Variants in TECTA observed in about 807,000 individuals in gnomAD.
TECTA encodes the protein tectorin alpha.
Under a neutral mutation model 216.8 loss-of-function variants are expected in TECTA, and 128 were observed. The ratio of observed to expected loss-of-function variants is 0.59; its 90% confidence interval spans 0.51 to 0.68. TECTA has a LOEUF of 0.68. TECTA is among the 30% of genes least tolerant of loss of function. The pLI is 0.00. For missense variants in TECTA, 2,551 were observed against 2,786.2 expected, an observed-to-expected ratio of 0.92 and a Z score of 1.90; for synonymous variants, 1,089 against 1,117.1, an observed-to-expected ratio of 0.97 and a Z score of 0.50.
intron 16 of TECTA, among the ~76,000 whole-genome samples, chr11:121,163,103 C>T (rs1947017665): frequency 6.6e-6 from 1 of 152,072 alleles, no homozygotes; most frequent in Admixed American, 6.5e-5. Context: ...GTTCTCTGAC[C>T]CACAACACCA....
At chr11:121,138,658 A>G (rs1045853373) in intron 11 of TECTA, among the ~76,000 whole-genome samples, 13 of 152,100 alleles carry the variant, frequency 8.5e-5, no homozygotes, top group Non-Finnish European at 1.5e-4. Context: ...TCACCCAAAG[A>G]GCACTTCCTT....
chr11:121,138,971 T>TAA (rs1946757856), intron 11 of TECTA, among the ~76,000 whole-genome samples: 1 of 152,248 alleles, frequency 6.6e-6, no homozygotes, highest in Non-Finnish European at 1.5e-5. Flanking sequence ...TATACTGAAC[T>TAA]AAACTATCTA....
intron 13 of TECTA, among the ~76,000 whole-genome samples, chr11:121,157,120 A>G (rs540386182): frequency 6.6e-6 from 1 of 152,326 alleles, no homozygotes; most frequent in South Asian, 2.1e-4. Flanking sequence ...GGGCCAATTT[A>G]TCATTCTTGA....
intron 7 of TECTA, among the ~76,000 whole-genome samples, chr11:121,120,288 C>A (rs76359399): frequency 6.6e-6 from 1 of 152,080 alleles, no homozygotes; most frequent in Non-Finnish European, 1.5e-5. Context: ...AGCGACAGGG[C>A]GATGTGGGTG....
At chr11:121,152,735 G>T (rs1252527154) in intron 12 of TECTA, 146 bp from the exon 13 acceptor site, 5 of 750,338 alleles carry the variant, frequency 6.7e-6, no homozygotes, top group Non-Finnish European at 1.1e-5. Context: ...AGCAAAGAGG[G>T]CAGTAATGAA....
In TECTA at chr11:121,105,734, C is replaced by T; in HGVS notation, c.65-97C>T. On this transcript the variant is annotated intron_variant, in intron 2 of 23. Coordinates refer to ENST00000392793, the MANE Select transcript of TECTA (RefSeq NM_005422.4). The surrounding 1 kb of genome is among the most constrained non-coding windows in gnomAD (Gnocchi z 5.3). ...TATGACTTGCATTCAGCTTGCAAGCCCTACTGAAAGAAGCTGGCTTCAGTA... is the reference window on the plus strand; with the variant it reads ...TATGACTTGCATTCAGCTTGCAAGCTCTACTGAAAGAAGCTGGCTTCAGTA... 6.6e-7 allele frequency: 1 copy of T among 1,525,404 alleles called. No individual in the cohort carries two copies. Among genetic ancestry groups the T allele is most frequent in the Non-Finnish European group, 9.0e-7 (1 of 1,116,636 alleles). 94.5% of individuals were successfully genotyped at this position (1,525,404 alleles called of 1,614,324 possible).
In TECTA at chr11:121,129,594, C is replaced by T. The variant is rs762092411; in HGVS notation, c.2368-44C>T. ...CCCACAGCCTAGGAAATGGAAAGTG[C>T]TCTGTGTGTCTCTGGAATTGATAAG... On this transcript the variant is annotated intron_variant, in intron 9 of 23. Transcript: ENST00000392793. The T allele has an allele frequency of 3.8e-6, 6 of 1,592,072 alleles. No individual in the cohort carries two copies. In the South Asian group the frequency reaches 5.5e-5, roughly 15 times the overall value.
chr11:121,176,318 G>A (rs971541462), intron 20 of TECTA, among the ~76,000 whole-genome samples: 11 of 150,780 alleles, frequency 7.3e-5, no homozygotes, highest in Non-Finnish European at 1.5e-4. Context: ...TTTTGCAGTG[G>A]CTGGTACCGG....
In TECTA at chr11:121,128,249, A is replaced by C. The variant is rs368853575; in HGVS notation, c.2272A>C (p.Lys758Gln). The C allele has an allele frequency of 6.9e-6, 11 of 1,600,288 alleles. No homozygotes were observed. The highest frequency in any genetic ancestry group is 6.7e-5 in the East Asian group (3 of 44,872). ...CTTGGAAATCGACATCAACAAGAAG[A>C]AGCCCGATGCAGGACCTGCTTGGCT... is the stretch of plus-strand genomic sequence containing the variant. ...EYLEIDINKK[K>Q]PDAGPAWLRG... is the part of the protein sequence containing the mutation. The change falls in exon 9 of 24, where the codon AAG becomes CAG. Residue 758 changes from lysine (K) to glutamine (Q), a missense_variant. Lys to Gln is a moderately conservative substitution (Grantham distance 53, BLOSUM62 1). Transcript: ENST00000392793.
chr11:121,105,701 C>A lies in TECTA; in HGVS notation c.65-130C>A. On this transcript the variant is annotated intron_variant, in intron 2 of 23. Coordinates refer to ENST00000392793, the MANE Select transcript of TECTA (RefSeq NM_005422.4). The surrounding 1 kb of genome is among the most constrained non-coding windows in gnomAD (Gnocchi z 5.3). ...TATGGCCTAGGTTTAGGATGAATGA[C>A]AGGGCAGTATGACTTGCATTCAGCT... 2.6e-6 allele frequency: 3 copies of A among 1,171,858 alleles called. No individual in the cohort carries two copies. The highest frequency in any genetic ancestry group is 3.7e-6 in the Non-Finnish European group (3 of 810,484). 72.6% of individuals were successfully genotyped at this position (1,171,858 alleles called of 1,614,324 possible).
Position 121,129,762 on chromosome 11 carries a change from G to A in TECTA, c.2492G>A (p.Gly831Asp). 1 of 1,614,190 alleles carries A rather than the reference G, an allele frequency of 6.2e-7. No individual in the cohort carries two copies. Among genetic ancestry groups the A allele is most frequent in the Non-Finnish European group, 8.5e-7 (1 of 1,180,048 alleles). Residue 831 changes from glycine (G) to aspartate (D), a missense_variant, in exon 10 of 24, where the codon GGT (glycine) becomes GAT (aspartate). Physicochemically the swap from Gly to Asp is moderately conservative, Grantham distance 94 (BLOSUM62 -1). Coordinates refer to ENST00000392793, the MANE Select transcript of TECTA (RefSeq NM_005422.4). ...GTGACTGTCCAGTACTCAGACATAGGTCTATTGTACATCCGGCTGTCCACC... is the reference window on the plus strand; with the variant it reads ...GTGACTGTCCAGTACTCAGACATAGATCTATTGTACATCCGGCTGTCCACC... ...GVVTVQYSDIGLLYIRLSTTY... is the reference protein window; with the variant it reads ...GVVTVQYSDIDLLYIRLSTTY...
At chr11:121,163,896 G>C (rs1293230717) in intron 16 of TECTA, among the ~76,000 whole-genome samples, 1 of 152,210 alleles carries the variant, frequency 6.6e-6, no homozygotes, top group African/African-American at 2.4e-5. Flanking sequence ...TTAGCACTGT[G>C]CTAGGTATTG....
intron 6 of TECTA, among the ~76,000 whole-genome samples, chr11:121,114,588 CCCACCCACCCAT>C (rs1447461305): frequency 8.6e-6 from 1 of 115,886 alleles, no homozygotes; most frequent in East Asian, 3.2e-4. Context: ...TACCCACCCA[CCCACCCACCCAT>C]CCACCCACCC....
intron 12 of TECTA, among the ~76,000 whole-genome samples, chr11:121,150,544 CA>C (rs940463178): frequency 2.7e-5 from 4 of 149,318 alleles, no homozygotes; most frequent in African/African-American, 9.9e-5. Context: ...ATAACAACTT[CA>C]AAAAAAGTTA....
At chr11:121,174,225 A>G (rs1483777601) in intron 20 of TECTA, among the ~76,000 whole-genome samples, 2 of 151,616 alleles carry the variant, frequency 1.3e-5, no homozygotes, top group Non-Finnish European at 2.9e-5. Flanking sequence ...TTCCAACACT[A>G]TGTTGAATAG....
intron 20 of TECTA, among the ~76,000 whole-genome samples, chr11:121,174,735 T>A (rs1330922106): frequency 6.6e-6 from 1 of 152,158 alleles, no homozygotes; most frequent in East Asian, 1.9e-4. Context: ...TCCCTCTTTT[T>A]CTATTGATTG....
intron 2 of TECTA, among the ~76,000 whole-genome samples, chr11:121,103,842 T>C (rs971443071): frequency 6.6e-6 from 1 of 152,232 alleles, no homozygotes; most frequent in African/African-American, 2.4e-5. Flanking sequence ...TTAATGTTTG[T>C]ATCCTTCTTA....
intron 15 of TECTA, among the ~76,000 whole-genome samples, chr11:121,160,970 C>G (rs1946992995): frequency 6.6e-6 from 1 of 152,184 alleles, no homozygotes; most frequent in African/African-American, 2.4e-5. Flanking sequence ...GAAGTTATTC[C>G]AAAGGTTTTA....
At position 121,128,078 on chromosome 11, in the gene TECTA, G is replaced by A. The variant is rs772043121; in HGVS notation, c.2101G>A (p.Gly701Ser). ...GSGEVCAVEDGYQGCFPKRET... is the reference protein window; with the variant it reads ...GSGEVCAVEDSYQGCFPKRET... Reference sequence around the variant, plus strand: ...CGGGGAGGTGTGCGCCGTGGAGGACGGCTACCAGGGCTGCTTCCCCAAGCG... The same window carrying A: ...CGGGGAGGTGTGCGCCGTGGAGGACAGCTACCAGGGCTGCTTCCCCAAGCG... Residue 701 changes from glycine to serine, a missense_variant, in exon 9 of 24, where the codon GGC (glycine) becomes AGC (serine). By Grantham distance (56) the Gly-to-Ser change is moderately conservative (BLOSUM62 0). Transcript: ENST00000392793. The A allele has an allele frequency of 4.3e-6, 7 of 1,612,590 alleles. No homozygotes were observed. Among genetic ancestry groups the A allele is most frequent in the South Asian group, 3.3e-5 (3 of 91,072 alleles).
Sources: gnomAD v4.1 joint callset for allele counts (sites outside exome capture counted in the v4.1 genomes callset) on GRCh38, gnomAD v4.1.1 for gene constraint, Gnocchi (gnomAD v3.1) non-coding constraint, MANE v1.5 for transcripts, NCBI Gene and HGNC (gene_info 2026-07-23, HGNC 2026-07-21) for gene names.